The following CDK5RAP2 variants were observed in gnomAD, a reference collection of about 807,000 sequenced individuals.
The protein encoded by CDK5RAP2 is CDK5 regulatory subunit associated protein 2.
In CDK5RAP2, 147 loss-of-function variants were observed where a neutral mutation model predicts 232.9. The observed-to-expected ratio is 0.63, with a 90% confidence interval of 0.55 to 0.72. CDK5RAP2 has a LOEUF of 0.72. Ranked by LOEUF, CDK5RAP2 falls within the 30% of genes least tolerant of loss-of-function variation. The probability of loss-of-function intolerance (pLI) is 0.00; values close to 1 mark genes in which losing one functional copy is unlikely to be tolerated. For missense variants in CDK5RAP2, 2,195 were observed against 2,231.5 expected, an observed-to-expected ratio of 0.98 and a Z score of 0.33; for synonymous variants, 833 against 833.7, an observed-to-expected ratio of 1.00 and a Z score of 0.01.
intron 14 of CDK5RAP2, among the ~76,000 whole-genome samples, chr9:120,480,309 T>C (rs1442288565): frequency 6.6e-6 from 1 of 152,134 alleles, no homozygotes; most frequent in African/African-American, 2.4e-5. Flanking sequence ...GGGAAAAAAA[T>C]TACATCCCTA....
intron 4 of CDK5RAP2, among the ~76,000 whole-genome samples, chr9:120,549,562 C>T (rs2041975146): frequency 6.6e-6 from 1 of 152,176 alleles, no homozygotes; most frequent in African/African-American, 2.4e-5. Context: ...GTGGGTTACT[C>T]ATCTATAAGC....
At chr9:120,510,027 C>G (rs983483654) in intron 12 of CDK5RAP2, among the ~76,000 whole-genome samples, 1 of 152,010 alleles carries the variant, frequency 6.6e-6, no homozygotes, top group African/African-American at 2.4e-5. Context: ...AAATATAGTA[C>G]CTCAGATCTG....
At chr9:120,456,990 C>T (rs1026046423) in intron 20 of CDK5RAP2, among the ~76,000 whole-genome samples, 1 of 152,190 alleles carries the variant, frequency 6.6e-6, no homozygotes. Flanking sequence ...GCCCAAATAT[C>T]GTTTATATCC....
intron 18 of CDK5RAP2, 51 bp from the exon 19 acceptor site, chr9:120,460,718 C>T: frequency 6.2e-7 from 1 of 1,611,468 alleles, no homozygotes. Flanking sequence ...AAGTGTGCAG[C>T]ATGAATATGT....
At chr9:120,440,980 C>G (rs2035865181) in intron 23 of CDK5RAP2, among the ~76,000 whole-genome samples, 1 of 152,174 alleles carries the variant, frequency 6.6e-6, no homozygotes, top group South Asian at 2.1e-4. Flanking sequence ...ATAGCTAAAC[C>G]CTTAGAGATG....
At chr9:120,513,265 C>CA (rs2040176515) in intron 12 of CDK5RAP2, among the ~76,000 whole-genome samples, 1 of 152,202 alleles carries the variant, frequency 6.6e-6, no homozygotes. Flanking sequence ...GGCTTTCCCT[C>CA]AGCAATCCAT....
chr9:120,393,779 C>A (rs2032212900), intron 36 of CDK5RAP2, among the ~76,000 whole-genome samples: 1 of 152,242 alleles, frequency 6.6e-6, no homozygotes, highest in Non-Finnish European at 1.5e-5. Context: ...CCTCACCAAC[C>A]CTGAGTCTCG....
chr9:120,427,194 T>C (rs1461365502), intron 25 of CDK5RAP2, among the ~76,000 whole-genome samples: 1 of 152,208 alleles, frequency 6.6e-6, no homozygotes, highest in African/African-American at 2.4e-5. Flanking sequence ...GTCCAATCTT[T>C]TGGCTTCCCT....
intron 6 of CDK5RAP2, among the ~76,000 whole-genome samples, chr9:120,538,674 T>A: frequency 6.6e-6 from 1 of 152,132 alleles, no homozygotes; most frequent in East Asian, 1.9e-4. Flanking sequence ...ATCTTTAAAA[T>A]AATGGGGCTA....
At chr9:120,540,100 A>G (rs996617387) in intron 5 of CDK5RAP2, among the ~76,000 whole-genome samples, 2 of 152,192 alleles carry the variant, frequency 1.3e-5, no homozygotes, top group African/African-American at 4.8e-5. Context: ...ACACTGCTAG[A>G]GCACCATGGA....
intron 11 of CDK5RAP2, among the ~76,000 whole-genome samples, chr9:120,521,365 C>G (rs890319427): frequency 6.6e-6 from 1 of 152,184 alleles, no homozygotes; most frequent in Non-Finnish European, 1.5e-5. Flanking sequence ...TGTGTCCCCA[C>G]CCCAATCTCA....
intron 36 of CDK5RAP2, among the ~76,000 whole-genome samples, chr9:120,390,691 C>A (rs1378097062): frequency 1.3e-5 from 2 of 152,186 alleles, no homozygotes; most frequent in Non-Finnish European, 2.9e-5. Context: ...GATCAGCTTA[C>A]TCCCCACGTT....
intron 11 of CDK5RAP2, 44 bp downstream of exon 11, chr9:120,524,942 G>A: frequency 7.2e-7 from 1 of 1,396,878 alleles, no homozygotes; most frequent in South Asian, 1.2e-5. Flanking sequence ...CTCACCAGGG[G>A]TCAGGATCAA....
chr9:120,564,424 C>T (rs900959587), intron 3 of CDK5RAP2, among the ~76,000 whole-genome samples: 1 of 147,106 alleles, frequency 6.8e-6, no homozygotes, highest in Non-Finnish European at 1.5e-5. Flanking sequence ...CGGGAGGCTG[C>T]GGCTGCAGTG....
intron 21 of CDK5RAP2, among the ~76,000 whole-genome samples, chr9:120,448,830 T>A (rs2036338419): frequency 2.6e-5 from 4 of 152,190 alleles, no homozygotes. Flanking sequence ...ACTCCCAGGC[T>A]GTCTCTCCAT....
intron 26 of CDK5RAP2, among the ~76,000 whole-genome samples, chr9:120,420,339 C>G (rs7850963): frequency 0.077 from 11,668 of 152,230 alleles, 879 homozygotes; most frequent in African/African-American, 0.2. Flanking sequence ...CTCATTTAGA[C>G]TGGGGGAACT....
intron 3 of CDK5RAP2, among the ~76,000 whole-genome samples, chr9:120,556,317 T>G (rs1464383639): frequency 6.6e-6 from 1 of 152,204 alleles, no homozygotes; most frequent in Non-Finnish European, 1.5e-5. Context: ...GGGCAAAATG[T>G]GAAAAGCTAC....
In CDK5RAP2 at chr9:120,536,354, C is replaced by G. The variant is rs1174828164; in HGVS notation, c.662+18G>C. On this transcript the variant is annotated intron_variant, in intron 7 of 37. Coordinates refer to ENST00000349780, the MANE Select transcript of CDK5RAP2 (RefSeq NM_018249.6). ...CAGATAATGTGATGTCAGGGTATGA[C>G]AGGGACAAGAGCCAGACCTGTCTTT... The G allele has an allele frequency of 2.5e-6, 4 of 1,613,838 alleles. No homozygotes were observed. The Admixed American group carries it at 6.7e-5, about 27-fold the overall frequency.
intron 12 of CDK5RAP2, among the ~76,000 whole-genome samples, chr9:120,493,083 T>G (rs866502807): frequency 8.5e-5 from 13 of 152,200 alleles, no homozygotes; most frequent in Admixed American, 2.0e-4. Flanking sequence ...CCTGCATATA[T>G]GCAAATATAT....
Sources: gnomAD v4.1 joint callset for allele counts (sites outside exome capture counted in the v4.1 genomes callset) on GRCh38, gnomAD v4.1.1 for gene constraint, MANE v1.5 for transcripts, NCBI Gene and HGNC (gene_info 2026-07-23, HGNC 2026-07-21) for gene names.